Variants in TOM1L1 observed in about 807,000 individuals in gnomAD.
TOM1L1 encodes the protein TOM1-like protein 1.
Under a neutral mutation model 63.4 loss-of-function variants are expected in TOM1L1, and 64 were observed. The ratio of observed to expected loss-of-function variants is 1.01; its 90% CI spans 0.83 to 1.24. The LOEUF (loss-of-function observed/expected upper bound fraction) is 1.24, where lower values mean the gene tolerates loss of function less well. Among genes scored for constraint, TOM1L1 ranks in the 50% most tolerant of loss-of-function variants. The probability of loss-of-function intolerance (pLI) is 0.00; values close to 1 mark genes in which losing one functional copy is unlikely to be tolerated. For missense variants in TOM1L1, 536 were observed against 567.0 expected, an observed-to-expected ratio of 0.95 and a Z score of 0.55; for synonymous variants, 166 against 194.4, an observed-to-expected ratio of 0.85 and a Z score of 1.22.
chr17:54,934,728 T>A (rs1007856992), intron 8 of TOM1L1, among the ~76,000 whole-genome samples: 15 of 148,320 alleles, frequency 1.0e-4, no homozygotes, highest in Admixed American at 8.0e-4. Flanking sequence ...TTTTTTTTTT[T>A]CTTTTTTGAG....
intron 7 of TOM1L1, chr17:54,917,058 T>C (rs1213219617): frequency 6.6e-6 from 1 of 152,206 alleles, no homozygotes; most frequent in Non-Finnish European, 1.5e-5. Flanking sequence ...GCATTTGTTA[T>C]TTTTCTACGT....
chr17:54,921,374 CA>C (rs1294164024), intron 7 of TOM1L1, among the ~76,000 whole-genome samples: 2 of 151,924 alleles, frequency 1.3e-5, no homozygotes, highest in Non-Finnish European at 1.5e-5. Flanking sequence ...TAAATTGAGG[CA>C]AAAAATTAAC....
At chr17:54,958,724 C>G (rs1254112033) in intron 14 of TOM1L1, among the ~76,000 whole-genome samples, 1 of 61,702 alleles carries the variant, frequency 1.6e-5, no homozygotes, top group Non-Finnish European at 3.4e-5. Context: ...GAGTGAAACT[C>G]CATCTCAAAA....
At chr17:54,912,341 TG>T in intron 3 of TOM1L1, among the ~76,000 whole-genome samples, 1 of 152,220 alleles carries the variant, frequency 6.6e-6, no homozygotes, top group East Asian at 1.9e-4. Flanking sequence ...CTGGGTAAAC[TG>T]GGACAGATAT....
Position 54,930,185 on chromosome 17 carries a change from A to G in TOM1L1, c.833A>G (p.Asn278Ser). The change falls in exon 8 of 16, where the codon AAT (asparagine) becomes AGT (serine). Residue 278 changes from asparagine to serine, a missense_variant. Coordinates refer to ENST00000575882, the MANE Select transcript of TOM1L1 (RefSeq NM_005486.3). ...ELIQVNEDLNNAILGYERFTR... is the reference protein window; with the variant it reads ...ELIQVNEDLNSAILGYERFTR... ...ATTCAGGTGAATGAGGATTTGAATA[A>G]TGCTATCCTTGGATATGAGAGGTGA... is the stretch of plus-strand genomic sequence containing the variant. The G allele has an allele frequency of 6.2e-7, 1 of 1,614,108 alleles. No homozygotes were observed. Among genetic ancestry groups the G allele is most frequent in the Non-Finnish European group, 8.5e-7 (1 of 1,179,994 alleles).
chr17:54,915,947 T>A, intron 7 of TOM1L1, 85 bp downstream of exon 7: 1 of 944,640 alleles, frequency 1.1e-6, no homozygotes, highest in Non-Finnish European at 1.7e-6. Flanking sequence ...GAAGACACCT[T>A]AATATTGTCT....
intron 14 of TOM1L1, chr17:54,954,813 T>A (rs1193921643): frequency 6.6e-6 from 1 of 152,162 alleles, no homozygotes; most frequent in Non-Finnish European, 1.5e-5. Flanking sequence ...CAAGGCAGGG[T>A]TTTGATAGAG....
At chr17:54,926,974 C>G (rs1246566795) in intron 7 of TOM1L1, among the ~76,000 whole-genome samples, 2 of 152,180 alleles carry the variant, frequency 1.3e-5, no homozygotes, top group Admixed American at 1.3e-4. Context: ...GAGGCAATTT[C>G]AAGGCAGCAA....
intron 11 of TOM1L1, among the ~76,000 whole-genome samples, chr17:54,940,553 G>A (rs2049018683): frequency 6.6e-6 from 1 of 152,166 alleles, no homozygotes; most frequent in Non-Finnish European, 1.5e-5. Context: ...GCAATAGCAA[G>A]TAATTGGAAA....
rs746401626 is a variant in TOM1L1, at chr17:54,912,679, G to A, written c.236G>A (p.Cys79Tyr). The A allele has an allele frequency of 6.4e-7, 1 of 1,567,804 alleles. No individual in the cohort carries two copies. The highest frequency in any genetic ancestry group is 8.6e-7 in the Non-Finnish European group (1 of 1,163,442). ...TTTCTAATTTAGCTTATTGACATGTGTGTGCAGAACTGTGGTCCAAGTTTC... is the reference window on the plus strand; with the variant it reads ...TTTCTAATTTAGCTTATTGACATGTATGTGCAGAACTGTGGTCCAAGTTTC... Reference protein sequence around the residue: ...IQLTLSLIDMCVQNCGPSFQS... With the variant: ...IQLTLSLIDMYVQNCGPSFQS... The change falls in exon 4 of 16, where the codon TGT (cysteine) becomes TAT (tyrosine). Residue 79 changes from cysteine to tyrosine, a missense_variant. Physicochemically the swap from Cys to Tyr is radical, Grantham distance 194. Transcript: ENST00000575882.
intron 8 of TOM1L1, among the ~76,000 whole-genome samples, chr17:54,934,086 A>G (rs2048908814): frequency 6.6e-6 from 1 of 152,168 alleles, no homozygotes; most frequent in Non-Finnish European, 1.5e-5. Context: ...ACTTCTACAT[A>G]AGCAGTAGGG....
intron 7 of TOM1L1, among the ~76,000 whole-genome samples, chr17:54,921,575 C>T (rs2048684535): frequency 6.6e-6 from 1 of 151,784 alleles, no homozygotes; most frequent in African/African-American, 2.4e-5. Flanking sequence ...TTTGTCTCTA[C>T]TAAAAATACA....
At chr17:54,952,768 G>A (rs1367514252) in intron 14 of TOM1L1, 5 of 152,200 alleles carry the variant, frequency 3.3e-5, no homozygotes, top group Non-Finnish European at 5.9e-5. Flanking sequence ...GGAGTCATAT[G>A]AGGCCCCAAG....
intron 3 of TOM1L1, among the ~76,000 whole-genome samples, chr17:54,908,517 C>A (rs1301198796): frequency 2.0e-5 from 3 of 152,126 alleles, no homozygotes. Context: ...TATGACATTT[C>A]CATTTTATTA....
intron 3 of TOM1L1, among the ~76,000 whole-genome samples, chr17:54,909,860 A>C (rs1320096663): frequency 6.6e-6 from 1 of 152,204 alleles, no homozygotes; most frequent in African/African-American, 2.4e-5. Flanking sequence ...ACACATTTGC[A>C]TCAAAGTTCA....
At chr17:54,938,879 C>A in intron 10 of TOM1L1, 45 bp from the exon 11 acceptor site, 1 of 1,170,556 alleles carries the variant, frequency 8.5e-7, no homozygotes, top group Non-Finnish European at 1.2e-6. Flanking sequence ...GCATAACTGA[C>A]TGACAAAATG....
chr17:54,912,068 A>G (rs763876373), intron 3 of TOM1L1, among the ~76,000 whole-genome samples: 11 of 152,050 alleles, frequency 7.2e-5, no homozygotes, highest in Non-Finnish European at 1.0e-4. Context: ...TTCCACATTT[A>G]TATATTTTTC....
intron 12 of TOM1L1, 99 bp downstream of exon 12, chr17:54,947,411 T>C (rs2049138602): frequency 7.4e-7 from 1 of 1,355,386 alleles, no homozygotes; most frequent in Non-Finnish European, 1.0e-6. Flanking sequence ...CTGCTCAGTA[T>C]TGTGTTGATG....
intron 1 of TOM1L1, among the ~76,000 whole-genome samples, chr17:54,902,781 C>T (rs755239817): frequency 6.6e-6 from 1 of 152,320 alleles, no homozygotes; most frequent in Non-Finnish European, 1.5e-5. Flanking sequence ...TGTTCCATTA[C>T]CCTTTCCAGA....
Sources: gnomAD v4.1 joint callset for allele counts (sites outside exome capture counted in the v4.1 genomes callset) on GRCh38, gnomAD v4.1.1 for gene constraint, MANE v1.5 for transcripts, NCBI Gene and HGNC (gene_info 2026-07-23, HGNC 2026-07-21) for gene names.